Variants in ARAP2 observed in about 807,000 individuals in gnomAD.
ARAP2 encodes arf-GAP with Rho-GAP domain, ANK repeat and PH domain-containing protein 2.
A neutral mutation model predicts 194.5 loss-of-function variants in ARAP2; 148 were observed. The ratio of observed to expected loss-of-function variants is 0.76; its 90% CI spans 0.67 to 0.87. The LOEUF (loss-of-function observed/expected upper bound fraction) is 0.87. Among genes scored for constraint, ARAP2 ranks in the 40% least tolerant of loss-of-function variants. ARAP2 has a pLI of 0.00. For synonymous variants in ARAP2, 695 were observed against 683.5 expected, an observed-to-expected ratio of 1.02 and a Z score of -0.26; for missense variants, 2,128 against 1,989.7, an observed-to-expected ratio of 1.07 and a Z score of -1.32.
intron 28 of ARAP2, among the ~76,000 whole-genome samples, chr4:36,084,040 A>G (rs144032389): frequency 3.7e-4 from 57 of 152,144 alleles, no homozygotes; most frequent in African/African-American, 1.3e-3. Flanking sequence ...TTGGACTTAC[A>G]CCAGCAGTTT....
chr4:36,158,900 A>G, intron 14 of ARAP2, 36 bp from the exon 15 acceptor site: 1 of 1,553,736 alleles, frequency 6.4e-7, no homozygotes, highest in Non-Finnish European at 8.7e-7. Context: ...CAAGAAATCT[A>G]AAATGTAAAC....
At position 36,073,712 on chromosome 4, in the gene ARAP2, T is replaced by C. The variant is rs755820564; in HGVS notation, c.4720A>G (p.Thr1574Ala). 10 of 1,612,346 alleles carry C rather than the reference T, an allele frequency of 6.2e-6. No individual in the cohort carries two copies. In the Admixed American group the frequency reaches 1.2e-4, roughly 19 times the overall value. ...ACCTCAATATTTTTCCGGGCCAAGG[T>C]TGCATTCCCCTCATGCTGTATAGGA... ...LIPIQHEGNATLARKNIESAR... is the reference protein window; with the variant it reads ...LIPIQHEGNAALARKNIESAR... The change falls in exon 32 of 33, where the codon ACC becomes GCC. Residue 1574 changes from threonine to alanine, a missense_variant. Transcript: ENST00000303965.
chr4:36,194,251 C>T (rs1247595748), intron 6 of ARAP2, among the ~76,000 whole-genome samples: 1 of 151,772 alleles, frequency 6.6e-6, no homozygotes, highest in Non-Finnish European at 1.5e-5. Context: ...ACATGAAAAA[C>T]AAAAGCAAAA....
chr4:36,118,549 ATCTT>A (rs1421099938), intron 24 of ARAP2, among the ~76,000 whole-genome samples: 2 of 151,404 alleles, frequency 1.3e-5, no homozygotes, highest in Admixed American at 6.6e-5. Flanking sequence ...CATTCAAAAC[ATCTT>A]TCTTTATTGT....
chr4:36,210,267 C>T (rs1433460990), intron 6 of ARAP2, 123 bp downstream of exon 6: 1 of 829,424 alleles, frequency 1.2e-6, no homozygotes. Flanking sequence ...CTAAAAATGG[C>T]ATCTCTGTGT....
chr4:36,052,749 G>C (rs1722883083), intron 2 of ARAP2, among the ~76,000 whole-genome samples: 1 of 152,224 alleles, frequency 6.6e-6, no homozygotes, highest in Non-Finnish European at 1.5e-5. Flanking sequence ...CGGATCACGA[G>C]GTCAGGAGAT....
chr4:36,056,481 T>C (rs1234190417), intron 2 of ARAP2, among the ~76,000 whole-genome samples: 2 of 152,260 alleles, frequency 1.3e-5, no homozygotes, highest in East Asian at 3.8e-4. Context: ...GAAATCAGTT[T>C]TCTTTAGATT....
intron 8 of ARAP2, among the ~76,000 whole-genome samples, chr4:36,180,465 C>T (rs1009296611): frequency 1.3e-5 from 2 of 152,182 alleles, no homozygotes; most frequent in African/African-American, 2.4e-5. Context: ...CCAGATTGTA[C>T]TACAATAATT....
chr4:36,068,102 C>A lies in ARAP2; in HGVS notation c.4920G>T (p.Glu1640Asp), dbSNP rs778155301. ...HRSFNCLEDTEPEAPLGQPKG... is the reference protein window; with the variant it reads ...HRSFNCLEDTDPEAPLGQPKG... ...TTGGTTGCCCAAGTGGGGCTTCAGGCTCTGTGTCCTCCAGGCAGTTGAAAC... is the reference window on the plus strand; with the variant it reads ...TTGGTTGCCCAAGTGGGGCTTCAGGATCTGTGTCCTCCAGGCAGTTGAAAC... Residue 1640 changes from glutamate (E) to aspartate (D), a missense_variant, in exon 33 of 33, where the codon GAG becomes GAT. Glu to Asp is a conservative substitution (Grantham distance 45, BLOSUM62 2). Transcript: ENST00000303965. 6.2e-7 allele frequency: 1 copy of A among 1,614,128 alleles called. No homozygotes were observed. Among genetic ancestry groups the A allele is most frequent in the South Asian group, 1.1e-5 (1 of 91,074 alleles).
intron 2 of ARAP2, chr4:36,052,178 T>C (rs547496978): frequency 2.0e-4 from 31 of 152,318 alleles, no homozygotes; most frequent in African/African-American, 7.0e-4. Flanking sequence ...CGACATTTAT[T>C]AGGAAAAATA....
In ARAP2 at chr4:36,055,771, C is replaced by T. The variant is rs1397595399; in HGVS notation, n.321+2199G>A. On this transcript the variant is annotated intron_variant and non_coding_transcript_variant, in intron 2 of 12. Transcript: ENST00000503225. ...TAGAGACGGGGTTTCACCATGTTGG[C>T]CAGGATGGTCTTGAACTCCTGACCT... Among the ~76,000 whole-genome samples the T allele has an allele frequency of 2.0e-5, 3 of 152,176 alleles. No individual in the cohort carries two copies. The East Asian group carries it at 5.8e-4, about 29-fold the overall frequency.
At chr4:36,219,998 C>T (rs957583870) in intron 2 of ARAP2, among the ~76,000 whole-genome samples, 1 of 152,028 alleles carries the variant, frequency 6.6e-6, no homozygotes, top group Admixed American at 6.6e-5. Flanking sequence ...TAAAAGCATC[C>T]TTTATGTGTT....
intron 8 of ARAP2, among the ~76,000 whole-genome samples, chr4:36,186,808 T>C (rs1740671217): frequency 6.6e-6 from 1 of 152,216 alleles, no homozygotes; most frequent in Non-Finnish European, 1.5e-5. Flanking sequence ...AATGTCACTG[T>C]CTCCCATCAG....
intron 14 of ARAP2, 35 bp from the exon 15 acceptor site, chr4:36,158,899 T>G (rs1407692191): frequency 1.3e-6 from 2 of 1,552,808 alleles, no homozygotes; most frequent in East Asian, 2.3e-5. Flanking sequence ...ACAAGAAATC[T>G]AAAATGTAAA....
At chr4:36,216,962 T>C (rs1394135098) in intron 2 of ARAP2, among the ~76,000 whole-genome samples, 1 of 152,184 alleles carries the variant, frequency 6.6e-6, no homozygotes, top group Non-Finnish European at 1.5e-5. Context: ...GTATAGCCAT[T>C]ATATTCTTAC....
At chr4:36,038,570 A>G (rs995675497) in intron 5 of ARAP2, among the ~76,000 whole-genome samples, 14 of 152,248 alleles carry the variant, frequency 9.2e-5, no homozygotes, top group African/African-American at 3.4e-4. Flanking sequence ...GTTCCTCAAC[A>G]GAGCTATAAA....
chr4:36,070,968 T>C (rs1429834590), intron 32 of ARAP2, among the ~76,000 whole-genome samples: 1 of 152,170 alleles, frequency 6.6e-6, no homozygotes, highest in African/African-American at 2.4e-5. Context: ...GAAATCAATG[T>C]GCTGCTTTCT....
Position 36,093,077 on chromosome 4 carries a change from C to T in ARAP2, c.4286-1057G>A, listed in dbSNP as rs1220647567. ...GCAGGGACATGATGGAGCTGGAGGC[C>T]ATTATCCTTAGCAAACTAAGGCAGG... On this transcript the variant is annotated intron_variant, in intron 27 of 32. Coordinates refer to ENST00000303965, the MANE Select transcript of ARAP2 (RefSeq NM_015230.4). Among the ~76,000 whole-genome samples the T allele has an allele frequency of 5.9e-5, 9 of 152,146 alleles. No individual in the cohort carries two copies. The East Asian group carries it at 9.7e-4, about 16-fold the overall frequency.
rs116326173 is a variant in ARAP2 at position 36,027,695 on chromosome 4, C to A, written n.608-8409G>T. Among the ~76,000 whole-genome samples the A allele has an allele frequency of 8.1e-3, 1,229 of 152,128 alleles. 22 individuals carry two copies. The highest frequency in any genetic ancestry group is 0.028 in the African/African-American group (1,175 of 41,522). ...TGTGACATACCATCTTCATCTCCAC[C>A]ATAGTGTGGCACAACATCATGACAC... On this transcript the variant is annotated intron_variant and non_coding_transcript_variant, in intron 5 of 12. Coordinates refer to the ARAP2 transcript ENST00000503225.
Sources: gnomAD v4.1 joint callset for allele counts (sites outside exome capture counted in the v4.1 genomes callset) on GRCh38, gnomAD v4.1.1 for gene constraint, MANE v1.5 for transcripts, NCBI Gene and HGNC (gene_info 2026-07-23, HGNC 2026-07-21) for gene names.